Variants in CNTN6 observed in about 807,000 individuals in gnomAD.
CNTN6 encodes the protein contactin-6.
CNTN6 carries 137 observed loss-of-function variants against 122.8 expected under a neutral mutation model. That is an observed-to-expected ratio of 1.12 (90% CI 0.97 to 1.29). The LOEUF is 1.29. Among genes scored for constraint, CNTN6 ranks in the 50% most tolerant of loss-of-function variants. CNTN6 has a pLI of 0.00. For synonymous variants in CNTN6, 570 were observed against 426.0 expected (o/e 1.34, Z -4.16); for missense variants, 1,634 against 1,223.4 (o/e 1.34, Z -5.01).
chr3:1,367,795 T>C (rs1354493913), intron 12 of CNTN6, among the ~76,000 whole-genome samples: 4 of 151,946 alleles, frequency 2.6e-5, no homozygotes, highest in African/African-American at 9.7e-5. Flanking sequence ...CTTAAAGGGA[T>C]GGAGATAATG....
intron 2 of CNTN6, among the ~76,000 whole-genome samples, chr3:1,182,510 T>C (rs181674570): frequency 3.9e-5 from 6 of 152,272 alleles, no homozygotes; most frequent in Non-Finnish European, 5.9e-5. Context: ...CATGTAGTTA[T>C]AGTGAGTATT....
In CNTN6 at chr3:1,226,110, C is replaced by T. The variant is rs529923389; in HGVS notation, c.183-1708C>T. ...CCCAGGCTCGTCTCAAACTCCTGGC[C>T]TCAAGCTATCTGCCCACCACGGCCT... On this transcript the variant is annotated intron_variant, in intron 3 of 22. Coordinates refer to ENST00000446702, the MANE Select transcript of CNTN6 (RefSeq NM_001289080.2). Among the ~76,000 whole-genome samples the T allele has an allele frequency of 4.6e-5, 7 of 152,208 alleles. No homozygotes were observed. The South Asian group carries it at 1.5e-3, about 32-fold the overall frequency.
At chr3:1,148,144 A>C in intron 2 of CNTN6, 81 bp downstream of exon 2, 1 of 1,054,158 alleles carries the variant, frequency 9.5e-7, no homozygotes, top group Non-Finnish European at 1.4e-6. Flanking sequence ...GCAATTTTCA[A>C]AATGCACAAT....
chr3:1,273,609 CTT>C (rs1170673346), intron 4 of CNTN6, among the ~76,000 whole-genome samples: 6 of 152,106 alleles, frequency 3.9e-5, no homozygotes, highest in Non-Finnish European at 8.8e-5. Flanking sequence ...ATAAGGCAGA[CTT>C]ATATCTTGTC....
At chr3:1,254,487 A>G (rs545773929) in intron 4 of CNTN6, among the ~76,000 whole-genome samples, 28 of 152,334 alleles carry the variant, frequency 1.8e-4, no homozygotes, top group African/African-American at 5.3e-4. Context: ...ACAATACACT[A>G]TAAAGGTATT....
chr3:1,276,684 C>T (rs899044184), intron 4 of CNTN6, among the ~76,000 whole-genome samples: 2 of 152,166 alleles, frequency 1.3e-5, no homozygotes, highest in Admixed American at 6.5e-5. Flanking sequence ...GCATGGCTGT[C>T]TCTTTCTCAT....
At chr3:1,396,245 T>G (rs981731819) in intron 20 of CNTN6, among the ~76,000 whole-genome samples, 1 of 152,234 alleles carries the variant, frequency 6.6e-6, no homozygotes. Flanking sequence ...TTCACTTACC[T>G]GGCTTCATGA....
chr3:1,201,174 T>C (rs2093865562), intron 2 of CNTN6, among the ~76,000 whole-genome samples: 1 of 151,208 alleles, frequency 6.6e-6, no homozygotes, highest in South Asian at 2.1e-4. Flanking sequence ...GGTTTCACTA[T>C]GCTGCCCAGG....
chr3:1,220,355 C>T (rs1361246869), intron 2 of CNTN6, among the ~76,000 whole-genome samples: 1 of 151,864 alleles, frequency 6.6e-6, no homozygotes, highest in African/African-American at 2.4e-5. Context: ...AATGAAACAA[C>T]AAAAAATAGA....
chr3:1,140,611 T>C (rs1459806225), intron 1 of CNTN6, among the ~76,000 whole-genome samples: 1 of 152,154 alleles, frequency 6.6e-6, no homozygotes, highest in African/African-American at 2.4e-5. Context: ...TTCACACTAG[T>C]ATCTTTCAGC....
rs550794734 is a variant in CNTN6 at position 1,273,032 on chromosome 3, G to A, written c.359-5381G>A. Reference sequence around the variant, plus strand: ...GGCCATTCTCAGGCACTTCCTGCTGGCCTTTGGAACAGAGCCTTATTCGTG... The same window carrying A: ...GGCCATTCTCAGGCACTTCCTGCTGACCTTTGGAACAGAGCCTTATTCGTG... On this transcript the variant is annotated intron_variant, in intron 4 of 22. Transcript: ENST00000446702. Among the ~76,000 whole-genome samples the A allele has an allele frequency of 9.9e-5, 15 of 152,230 alleles. No homozygotes were observed. In the South Asian group the frequency reaches 3.1e-3, roughly 32 times the overall value.
intron 2 of CNTN6, chr3:1,173,314 A>G (rs1223485803): frequency 4.4e-6 from 2 of 456,534 alleles, no homozygotes; most frequent in Non-Finnish European, 8.8e-6. Context: ...GCGGTTTGCA[A>G]AGAGGTGAGT....
At chr3:1,382,868 T>G in intron 17 of CNTN6, 74 bp from the exon 18 acceptor site, 1 of 985,370 alleles carries the variant, frequency 1.0e-6, no homozygotes, top group Non-Finnish European at 1.5e-6. Flanking sequence ...AAATGTGAAA[T>G]AATCAATAAA....
intron 20 of CNTN6, among the ~76,000 whole-genome samples, chr3:1,396,156 T>A (rs1397662987): frequency 6.6e-6 from 1 of 152,206 alleles, no homozygotes; most frequent in Non-Finnish European, 1.5e-5. Flanking sequence ...TCTTTCACAA[T>A]GTGTCTCAAA....
At chr3:1,244,266 G>T (rs1301316797) in intron 4 of CNTN6, among the ~76,000 whole-genome samples, 3 of 152,140 alleles carry the variant, frequency 2.0e-5, no homozygotes, top group Non-Finnish European at 4.4e-5. Context: ...AGTGAAGGAA[G>T]CAAACCCAGA....
chr3:1,284,450 G>A (rs955690859), intron 5 of CNTN6, among the ~76,000 whole-genome samples: 1 of 152,118 alleles, frequency 6.6e-6, no homozygotes, highest in African/African-American at 2.4e-5. Flanking sequence ...AAGTGTAAAA[G>A]GCAGACAGGC....
chr3:1,249,426 T>C (rs1431703486), intron 4 of CNTN6, among the ~76,000 whole-genome samples: 2 of 152,196 alleles, frequency 1.3e-5, no homozygotes, highest in Non-Finnish European at 2.9e-5. Context: ...AAAGGAATTA[T>C]ATGAATGCCA....
At chr3:1,267,732 G>A (rs897540028) in intron 4 of CNTN6, among the ~76,000 whole-genome samples, 3 of 152,142 alleles carry the variant, frequency 2.0e-5, no homozygotes, top group Non-Finnish European at 4.4e-5. Context: ...TTAACAAGTG[G>A]AGAGAAAGTG....
Position 1,202,407 on chromosome 3 carries a change from GC to G in CNTN6, c.56-18279del, listed in dbSNP as rs2093890029. ...TACAAGAAATCAGCCGGGCGTGGTG[GC>G]GGGCGCCTGTAGTCCCAGCTACTCG... On this transcript the variant is annotated intron_variant, in intron 2 of 22. Coordinates refer to ENST00000446702, the MANE Select transcript of CNTN6 (RefSeq NM_001289080.2). Among the ~76,000 whole-genome samples, 5 of 149,348 alleles carry G rather than the reference GC, an allele frequency of 3.3e-5. No homozygotes were observed. The South Asian group carries it at 1.0e-3, about 31-fold the overall frequency.
Sources: allele counts gnomAD v4.1 joint callset (sites outside exome capture counted in the v4.1 genomes callset), GRCh38; gene constraint gnomAD v4.1.1; transcripts MANE v1.5; gene names NCBI Gene and HGNC (gene_info 2026-07-23, HGNC 2026-07-21).